The following PRKN variants were observed in gnomAD, a reference collection of about 807,000 sequenced individuals.
PRKN encodes the protein parkin RBR E3 ubiquitin protein ligase, also known as E3 ubiquitin-protein ligase parkin.
Under a neutral mutation model 59.5 loss-of-function variants are expected in PRKN, and 56 were observed. That is an observed-to-expected ratio of 0.94 (90% CI 0.76 to 1.18). The LOEUF is 1.18. PRKN is among the 50% of genes most tolerant of loss of function. The pLI, the probability that PRKN is intolerant of heterozygous loss-of-function variation, is 0.00. For missense variants in PRKN, 657 were observed against 596.4 expected (o/e 1.10, Z -1.06); for synonymous variants, 250 against 222.1 (o/e 1.13, Z -1.12).
chr6:162,286,781 T>C lies in PRKN; in HGVS notation c.172-24016A>G, dbSNP rs189416009. Among the ~76,000 whole-genome samples the C allele has an allele frequency of 2.6e-5, 4 of 152,292 alleles. No homozygotes were observed. In the East Asian group the frequency reaches 7.7e-4, roughly 29 times the overall value. ...CTGGCGTTTAAACAGATCAAGCATTTTACCTACATTCTCCAAACTTTAATT... is the reference window on the plus strand; with the variant it reads ...CTGGCGTTTAAACAGATCAAGCATTCTACCTACATTCTCCAAACTTTAATT... On this transcript the variant is annotated intron_variant, in intron 2 of 11. Coordinates refer to ENST00000366898, the MANE Select transcript of PRKN (RefSeq NM_004562.3).
chr6:162,338,668 C>T (rs554691190), intron 2 of PRKN, among the ~76,000 whole-genome samples: 1,973 of 152,132 alleles, frequency 0.013, 20 homozygotes, highest in African/African-American at 0.033. Flanking sequence ...TCTGCCCGGC[C>T]GCCACCCTGT....
At chr6:162,355,421 C>A (rs1784813644) in intron 2 of PRKN, among the ~76,000 whole-genome samples, 1 of 142,600 alleles carries the variant, frequency 7.0e-6, no homozygotes, top group South Asian at 2.1e-4. Flanking sequence ...ATATATATAA[C>A]AATTTAGTTT....
chr6:162,667,399 C>A (rs1779141260), intron 1 of PRKN, among the ~76,000 whole-genome samples: 1 of 151,912 alleles, frequency 6.6e-6, no homozygotes, highest in South Asian at 2.1e-4. Flanking sequence ...AAGCTTTCAA[C>A]CACATTTAAT....
At chr6:162,235,104 G>A (rs985503234) in intron 3 of PRKN, among the ~76,000 whole-genome samples, 2 of 152,190 alleles carry the variant, frequency 1.3e-5, no homozygotes, top group Non-Finnish European at 1.5e-5. Context: ...CTAGCTGAAT[G>A]AGAGGCTTAA....
chr6:161,400,788 A>G lies in PRKN; in HGVS notation c.1084-13911T>C, dbSNP rs1036111585. Among the ~76,000 whole-genome samples the G allele has an allele frequency of 2.6e-5, 4 of 152,172 alleles. No individual in the cohort carries two copies. The highest frequency in any genetic ancestry group is 6.5e-5 in the Admixed American group (1 of 15,282). On this transcript the variant is annotated intron_variant, in intron 9 of 11. Coordinates refer to ENST00000366898, the MANE Select transcript of PRKN (RefSeq NM_004562.3). This position sits in a 1 kb window ranked among gnomAD's most constrained non-coding sequence, Gnocchi z 4.2. ...TCAAATTAAAGAAAATATGAGGCGT[A>G]ACTGCCCTGCAGTGAGAGCATATGA...
At chr6:161,660,347 G>T (rs1301893886) in intron 7 of PRKN, among the ~76,000 whole-genome samples, 4 of 152,142 alleles carry the variant, frequency 2.6e-5, no homozygotes, top group Non-Finnish European at 5.9e-5. Flanking sequence ...CAAGGTTATT[G>T]CAATAACTCA....
At chr6:161,779,270 T>C (rs927208992) in intron 7 of PRKN, among the ~76,000 whole-genome samples, 4 of 151,972 alleles carry the variant, frequency 2.6e-5, no homozygotes, top group Non-Finnish European at 5.9e-5. Context: ...TTCATAGACA[T>C]TGATATAACC....
intron 1 of PRKN, among the ~76,000 whole-genome samples, chr6:162,667,178 A>G (rs965064801): frequency 3.9e-5 from 6 of 152,090 alleles, no homozygotes; most frequent in African/African-American, 1.4e-4. Context: ...AATTCTTTCT[A>G]TTGGCACAGA....
intron 1 of PRKN, among the ~76,000 whole-genome samples, chr6:162,503,797 A>G (rs1267310118): frequency 6.6e-6 from 1 of 152,194 alleles, no homozygotes; most frequent in Non-Finnish European, 1.5e-5. Context: ...GAGAGAAGAC[A>G]TAACCTAAAC....
chr6:162,580,257 C>T (rs1043662039), intron 1 of PRKN, among the ~76,000 whole-genome samples: 2 of 151,854 alleles, frequency 1.3e-5, no homozygotes, highest in African/African-American at 4.8e-5. Flanking sequence ...GGTAACATTG[C>T]GGAACCCTAT....
At chr6:162,469,614 T>TAACTTC (rs1562788092) in intron 1 of PRKN, among the ~76,000 whole-genome samples, 4 of 151,820 alleles carry the variant, frequency 2.6e-5, no homozygotes, top group Admixed American at 2.6e-4. Context: ...TTCTTCTAAG[T>TAACTTC]GAAGTAACTC....
At chr6:161,822,569 G>A (rs985329411) in intron 6 of PRKN, among the ~76,000 whole-genome samples, 7 of 152,192 alleles carry the variant, frequency 4.6e-5, no homozygotes, top group East Asian at 1.9e-4. Context: ...CCAGCTACGC[G>A]GGAGGCTGAG....
At chr6:161,823,134 T>C (rs1792103756) in intron 6 of PRKN, among the ~76,000 whole-genome samples, 1 of 151,356 alleles carries the variant, frequency 6.6e-6, no homozygotes, top group Admixed American at 6.6e-5. Context: ...ATGGGGTCTT[T>C]CTATGTTGCC....
intron 6 of PRKN, among the ~76,000 whole-genome samples, chr6:161,804,573 G>A (rs1791229162): frequency 6.6e-6 from 1 of 152,198 alleles, no homozygotes; most frequent in African/African-American, 2.4e-5. Context: ...TGGAAGGATT[G>A]AAGTAAACTC....
At chr6:161,616,372 G>A (rs889579269) in intron 7 of PRKN, among the ~76,000 whole-genome samples, 2 of 151,298 alleles carry the variant, frequency 1.3e-5, no homozygotes, top group African/African-American at 4.9e-5. Context: ...AAAATAAAAT[G>A]TCCCCAGTGA....
intron 9 of PRKN, among the ~76,000 whole-genome samples, chr6:161,431,440 C>T (rs1220631297): frequency 6.6e-6 from 1 of 151,056 alleles, no homozygotes; most frequent in Non-Finnish European, 1.5e-5. Context: ...TAGTTAAAAC[C>T]TGTTTTATTA....
chr6:161,592,505 C>A lies in PRKN; in HGVS notation c.872-23089G>T, dbSNP rs1781760483. On this transcript the variant is annotated intron_variant, in intron 7 of 11. Transcript: ENST00000366898. This position sits in a 1 kb window ranked among gnomAD's most constrained non-coding sequence, Gnocchi z 4.8. Reference sequence around the variant, plus strand: ...ATTCCTTCTACAAATATATATGGCACAAAATCCAAATGCCAGGAACTGGTC... The same window carrying A: ...ATTCCTTCTACAAATATATATGGCAAAAAATCCAAATGCCAGGAACTGGTC... Among the ~76,000 whole-genome samples, 1 of 152,036 alleles carries A rather than the reference C, an allele frequency of 6.6e-6. No homozygotes were observed. Among genetic ancestry groups the A allele is most frequent in the African/African-American group, 2.4e-5 (1 of 41,386 alleles).
chr6:161,491,222 C>T (rs1230346337), intron 9 of PRKN, among the ~76,000 whole-genome samples: 1 of 152,118 alleles, frequency 6.6e-6, no homozygotes, highest in Non-Finnish European at 1.5e-5. Flanking sequence ...TAGAAAACTT[C>T]GTATGGACAG....
intron 9 of PRKN, among the ~76,000 whole-genome samples, chr6:161,539,768 G>T (rs567301827): frequency 6.6e-6 from 1 of 152,066 alleles, no homozygotes; most frequent in African/African-American, 2.4e-5. Flanking sequence ...CACTGTTCCC[G>T]GGGTGTCTTT....
Sources: gnomAD v4.1 joint callset for allele counts (sites outside exome capture counted in the v4.1 genomes callset) on GRCh38, gnomAD v4.1.1 for gene constraint, Gnocchi (gnomAD v3.1) non-coding constraint, MANE v1.5 for transcripts, NCBI Gene and HGNC (gene_info 2026-07-23, HGNC 2026-07-21) for gene names.